The following BRIP1 variants were observed in gnomAD, a reference collection of about 807,000 sequenced individuals.
The protein encoded by BRIP1 is BRCA1 interacting DNA helicase 1.
In BRIP1, 88 loss-of-function variants were observed where a neutral mutation model predicts 119.7. The observed-to-expected ratio is 0.74, with a 90% CI of 0.62 to 0.88. The LOEUF is 0.88. BRIP1 is among the 40% of genes least tolerant of loss of function. The probability of loss-of-function intolerance (pLI) is 0.00; values close to 1 mark genes in which losing one functional copy is unlikely to be tolerated. For synonymous variants in BRIP1, 443 were observed against 496.5 expected (o/e 0.89, Z 1.43); for missense variants, 1,259 against 1,455.4 (o/e 0.87, Z 2.20).
rs7216824 is a variant in BRIP1 at position 61,796,264 on chromosome 17, T to A, written c.1341-2535A>T. On this transcript the variant is annotated intron_variant, in intron 9 of 19. Transcript: ENST00000259008. This position sits in a 1 kb window ranked among gnomAD's most constrained non-coding sequence, Gnocchi z 4.8. ...GCAGCAGCTTTTTAACTTGATGTGA[T>A]CCCATCTGTCCATTTTTGCTTTGGT... Among the ~76,000 whole-genome samples the A allele has an allele frequency of 0.79, 120,128 of 151,980 alleles. 48,085 individuals are homozygous for A. Among genetic ancestry groups the A allele is most frequent in the African/African-American group, 0.89 (36,800 of 41,458 alleles).
chr17:61,698,664 C>T (rs1225587111), intron 17 of BRIP1, among the ~76,000 whole-genome samples: 1 of 151,422 alleles, frequency 6.6e-6, no homozygotes, highest in East Asian at 1.9e-4. Flanking sequence ...TTTTTGTTAA[C>T]TTTGTATGTT....
In BRIP1 at chr17:61,824,386, G is replaced by A. The variant is rs2078373900; in HGVS notation, c.628-15629C>T. The stretch of plus-strand genomic sequence containing the variant: ...ATCTTGAAAAAGAACAAAACTGGAG[G>A]TCTCACATTTTCTGATTTCTAAACT... On this transcript the variant is annotated intron_variant, in intron 6 of 19. Coordinates refer to ENST00000259008, the MANE Select transcript of BRIP1 (RefSeq NM_032043.3). The surrounding 1 kb of genome is among the most constrained non-coding windows in gnomAD (Gnocchi z 4.3). Among the ~76,000 whole-genome samples the A allele has an allele frequency of 6.6e-6, 1 of 152,138 alleles. No homozygotes were observed. Among genetic ancestry groups the A allele is most frequent in the Non-Finnish European group, 1.5e-5 (1 of 68,028 alleles).
rs974257967 is a variant in BRIP1 at position 61,835,768 on chromosome 17, T to C, written c.627+11333A>G. ...GTACATATAACAATTTAGTACATGA[T>C]AACAGCAAAACTTCAAAACTGGAAA... On this transcript the variant is annotated intron_variant, in intron 6 of 19. Coordinates refer to ENST00000259008, the MANE Select transcript of BRIP1 (RefSeq NM_032043.3). 1.1e-4 allele frequency among the ~76,000 whole-genome samples: 17 copies of C among 151,884 alleles called. 1 individual carries two copies. The highest frequency in any genetic ancestry group is 4.1e-4 in the African/African-American group (17 of 41,402).
rs796440769 is a variant in BRIP1 at position 61,780,713 on chromosome 17, C to G, written c.1794+127G>C. Reference sequence around the variant, plus strand: ...ACTGCACTCCAGCCTGGGTGAAGAGCAAGACCCTGCCTCAAAACAACAACA... The same window carrying G: ...ACTGCACTCCAGCCTGGGTGAAGAGGAAGACCCTGCCTCAAAACAACAACA... On this transcript the variant is annotated intron_variant, in intron 12 of 19. Coordinates refer to ENST00000259008, the MANE Select transcript of BRIP1 (RefSeq NM_032043.3). This position sits in a 1 kb window ranked among gnomAD's most constrained non-coding sequence, Gnocchi z 5.4. The G allele has an allele frequency of 3.4e-5, 40 of 1,180,268 alleles. No homozygotes were observed. The African/African-American group carries it at 4.8e-4, about 14-fold the overall frequency. The allele number at this position is 1,180,268 out of a possible 1,614,324, so 73.1% of individuals were successfully genotyped here.
At position 61,786,228 on chromosome 17, in the gene BRIP1, AGT is replaced by A. The variant is rs200407840; in HGVS notation, c.1474-1806_1474-1805del. ...TGTGTGTGTGTGACAGAGAGAGAAG[AGT>A]GTGTGTGAGTGTGTGCGTGTCTAAA... On this transcript the variant is annotated intron_variant, in intron 10 of 19. Coordinates refer to ENST00000259008, the MANE Select transcript of BRIP1 (RefSeq NM_032043.3). Among the ~76,000 whole-genome samples the A allele has an allele frequency of 9.0e-3, 1,374 of 151,870 alleles. 8 individuals carry two copies. Among genetic ancestry groups the A allele is most frequent in the Non-Finnish European group, 0.013 (891 of 67,902 alleles).
rs185477178 is a variant in BRIP1 at position 61,692,476 on chromosome 17, A to C, written c.2575+954T>G. ...TATCTCAATAGAAAAAACAAACAAA[A>C]AAACACACCAAAAACCAAACCAAAA... On this transcript the variant is annotated intron_variant, in intron 18 of 19. Coordinates refer to ENST00000259008, the MANE Select transcript of BRIP1 (RefSeq NM_032043.3). 4.1e-3 allele frequency among the ~76,000 whole-genome samples: 628 copies of C among 152,252 alleles called. 3 individuals carry two copies. Among genetic ancestry groups the C allele is most frequent in the Non-Finnish European group, 5.5e-3 (373 of 68,002 alleles).
rs546801709 is a variant in BRIP1 at position 61,704,982 on chromosome 17, T to TA, written c.2492+10968dup. Among the ~76,000 whole-genome samples the TA allele has an allele frequency of 1.4e-3, 214 of 152,298 alleles. No homozygotes were observed. Among genetic ancestry groups the TA allele is most frequent in the African/African-American group, 4.7e-3 (195 of 41,574 alleles). ...TCCAGGAGTACATGTGCAGGTTTGT[T>TA]ACAAAGGTATATTGCATGATGTTGA... On this transcript the variant is annotated intron_variant, in intron 17 of 19. Coordinates refer to ENST00000259008, the MANE Select transcript of BRIP1 (RefSeq NM_032043.3). This position sits in a 1 kb window ranked among gnomAD's most constrained non-coding sequence, Gnocchi z 5.7.
intron 6 of BRIP1, among the ~76,000 whole-genome samples, chr17:61,819,510 G>C (rs188925628): frequency 1.5e-3 from 234 of 152,276 alleles, no homozygotes; most frequent in Middle Eastern, 3.4e-3. Flanking sequence ...TGAATGAAGA[G>C]AATGTGGCAC....
Position 61,809,918 on chromosome 17 carries a change from G to A in BRIP1, c.628-1161C>T, listed in dbSNP as rs2078135902. ...ATACTGGGGATGAAGCTGTCTTTTA[G>A]CCTCAACTCAGTGGAAAAGCAAGTT... On this transcript the variant is annotated intron_variant, in intron 6 of 19. Coordinates refer to ENST00000259008, the MANE Select transcript of BRIP1 (RefSeq NM_032043.3). The surrounding 1 kb of genome is among the most constrained non-coding windows in gnomAD (Gnocchi z 5.2). Among the ~76,000 whole-genome samples, 1 of 152,062 alleles carries A rather than the reference G, an allele frequency of 6.6e-6. No homozygotes were observed. The highest frequency in any genetic ancestry group is 2.1e-4 in the South Asian group (1 of 4,824).
intron 14 of BRIP1, among the ~76,000 whole-genome samples, chr17:61,747,405 C>T (rs2077072345): frequency 2.7e-5 from 4 of 150,682 alleles, no homozygotes; most frequent in Middle Eastern, 3.4e-3. Flanking sequence ...CAAGTCTTTA[C>T]CTAGATTGGT....
Position 61,831,121 on chromosome 17 carries a change from T to C in BRIP1, c.627+15980A>G, listed in dbSNP as rs2078486478. Among the ~76,000 whole-genome samples the C allele has an allele frequency of 1.3e-5, 2 of 152,226 alleles. No individual in the cohort carries two copies. Among genetic ancestry groups the C allele is most frequent in the Non-Finnish European group, 1.5e-5 (1 of 68,032 alleles). ...CCAACTAGCGATAGAAGGAAACTTC[T>C]TTAGCCTGACAAAGGGCATAGACAG... On this transcript the variant is annotated intron_variant, in intron 6 of 19. Transcript: ENST00000259008. The surrounding 1 kb of genome is among the most constrained non-coding windows in gnomAD (Gnocchi z 4.1).
At chr17:61,765,410 TATATATA>T (rs2077350984) in intron 14 of BRIP1, among the ~76,000 whole-genome samples, 13 of 17,372 alleles carry the variant, frequency 7.5e-4, no homozygotes, top group African/African-American at 1.2e-3. Flanking sequence ...TATATATATA[TATATATA>T]TATATATTTT....
rs932736706 is a variant in BRIP1, at chr17:61,742,278, T to G, written c.2379+735A>C. ...TAAGAGAATGTTACGGACAGTTTGA[T>G]CTTCTTTCCAGACACTAAACCTTTC... is the stretch of plus-strand genomic sequence containing the variant. On this transcript the variant is annotated intron_variant, in intron 16 of 19. Coordinates refer to ENST00000259008, the MANE Select transcript of BRIP1 (RefSeq NM_032043.3). The surrounding 1 kb of genome is among the most constrained non-coding windows in gnomAD (Gnocchi z 4.7). Among the ~76,000 whole-genome samples, 5 of 152,224 alleles carry G rather than the reference T, an allele frequency of 3.3e-5. No individual in the cohort carries two copies. Among genetic ancestry groups the G allele is most frequent in the Non-Finnish European group, 5.9e-5 (4 of 68,040 alleles).
At position 61,827,708 on chromosome 17, in the gene BRIP1, G is replaced by A. The variant is rs574270251; in HGVS notation, c.628-18951C>T. Among the ~76,000 whole-genome samples, 11 of 152,268 alleles carry A rather than the reference G, an allele frequency of 7.2e-5. No homozygotes were observed. Among genetic ancestry groups the A allele is most frequent in the South Asian group, 2.1e-4 (1 of 4,824 alleles). The stretch of plus-strand genomic sequence containing the variant: ...AGTGCCACTGCACTCCGGCCTGGGC[G>A]ACAGAGTGAAGCCCTGTCTCAAAAA... On this transcript the variant is annotated intron_variant, in intron 6 of 19. Coordinates refer to ENST00000259008, the MANE Select transcript of BRIP1 (RefSeq NM_032043.3). The surrounding 1 kb of genome is among the most constrained non-coding windows in gnomAD (Gnocchi z 5.8).
chr17:61,715,841 C>A, intron 17 of BRIP1, 110 bp downstream of exon 17: 2 of 661,896 alleles, frequency 3.0e-6, no homozygotes, highest in African/African-American at 1.8e-5. Flanking sequence ...CCTATGGTTC[C>A]AGTTAAATAA....
chr17:61,716,812 C>G (rs2061879862), intron 16 of BRIP1, among the ~76,000 whole-genome samples: 1 of 151,562 alleles, frequency 6.6e-6, no homozygotes, highest in Non-Finnish European at 1.5e-5. Flanking sequence ...AATATGCTTC[C>G]ATATTATTTC....
chr17:61,820,803 A>G (rs528260926), intron 6 of BRIP1, among the ~76,000 whole-genome samples: 4 of 152,212 alleles, frequency 2.6e-5, no homozygotes, highest in Admixed American at 6.5e-5. Flanking sequence ...TACAAAAATT[A>G]GCCAGGCGTG....
rs2061754354 is a variant in BRIP1 at position 61,710,474 on chromosome 17, A to G, written c.2492+5477T>C. ...ATGCTATAGGTTTACTAAGGTATAA[A>G]TAACTCTAGTTGGAGAAGTTTTAAA... On this transcript the variant is annotated intron_variant, in intron 17 of 19. Transcript: ENST00000259008. This position sits in a 1 kb window ranked among gnomAD's most constrained non-coding sequence, Gnocchi z 5.4. Among the ~76,000 whole-genome samples the G allele has an allele frequency of 1.3e-5, 2 of 152,234 alleles. No individual in the cohort carries two copies.
intron 11 of BRIP1, 119 bp from the exon 12 acceptor site, chr17:61,781,124 T>A: frequency 1.1e-6 from 1 of 874,598 alleles, no homozygotes; most frequent in Admixed American, 2.4e-5. Context: ...ACCTTCCCAT[T>A]CAAAAATAAC....
Sources: gnomAD v4.1 joint callset for allele counts (sites outside exome capture counted in the v4.1 genomes callset) on GRCh38, gnomAD v4.1.1 for gene constraint, Gnocchi (gnomAD v3.1) non-coding constraint, MANE v1.5 for transcripts, NCBI Gene and HGNC (gene_info 2026-07-23, HGNC 2026-07-21) for gene names.